Variants in BTBD3 observed in about 807,000 individuals in gnomAD.
BTBD3 encodes the protein BTB/POZ domain-containing protein 3.
BTBD3 carries 14 observed loss-of-function variants against 41.6 expected under a neutral mutation model. The ratio of observed to expected loss-of-function variants is 0.34; its 90% confidence interval spans 0.22 to 0.53. BTBD3 has a LOEUF of 0.53. BTBD3 is among the 20% of genes least tolerant of loss of function. The pLI is 0.95. For synonymous variants in BTBD3, 249 were observed against 233.7 expected, an observed-to-expected ratio of 1.07 and a Z score of -0.60; for missense variants, 426 against 654.7, an observed-to-expected ratio of 0.65 and a Z score of 3.81.
intron 1 of BTBD3, among the ~76,000 whole-genome samples, chr20:11,898,110 C>T (rs911234916): frequency 7.9e-5 from 12 of 152,030 alleles, no homozygotes; most frequent in Middle Eastern, 3.2e-3. Context: ...TGCAGTGAGC[C>T]GAGATCGTGC....
intron 1 of BTBD3, among the ~76,000 whole-genome samples, chr20:11,894,483 T>G (rs966646769): frequency 6.6e-6 from 1 of 152,184 alleles, no homozygotes; most frequent in Admixed American, 6.5e-5. Context: ...AATTTATTTT[T>G]TGGTAGCTAT....
intron 1 of BTBD3, 30 bp downstream of exon 1, chr20:11,918,631 A>C (rs768447722): frequency 6.5e-7 from 1 of 1,533,824 alleles, no homozygotes; most frequent in Admixed American, 2.2e-5. Flanking sequence ...ATTTACTTTA[A>C]AAGTTTTCCT....
At chr20:11,893,169 A>G (rs2056766640) in intron 1 of BTBD3, among the ~76,000 whole-genome samples, 1 of 152,210 alleles carries the variant, frequency 6.6e-6, no homozygotes, top group African/African-American at 2.4e-5. Flanking sequence ...GAAATAGGTC[A>G]TTTAACATAC....
intron 1 of BTBD3, among the ~76,000 whole-genome samples, chr20:11,904,117 G>A (rs144418222): frequency 5.9e-5 from 9 of 152,256 alleles, no homozygotes; most frequent in South Asian, 2.1e-4. Context: ...GTATGAGTCC[G>A]TTCTAACACT....
chr20:11,918,288 A>G lies in BTBD3; in HGVS notation c.13A>G (p.Lys5Glu). Residue 5 changes from lysine (K) to glutamate (E), a missense_variant, in exon 1 of 4, where the codon AAG becomes GAG. By Grantham distance (56) the Lys-to-Glu change is moderately conservative (BLOSUM62 1). Around this residue, in one of 3 missense-constraint regions of BTBD3, gnomAD observed 53 missense variants for 74.8 expected, o/e 0.71. Coordinates refer to ENST00000378226, the MANE Select transcript of BTBD3 (RefSeq NM_014962.4). ...ACACACTGTACTCATGGTAGATGACAAGGAAAAGAACATGAAATGTCTCAC... is the reference window on the plus strand; with the variant it reads ...ACACACTGTACTCATGGTAGATGACGAGGAAAAGAACATGAAATGTCTCAC... MVDD[K>E]EKNMKCLTFF... The G allele has an allele frequency of 1.3e-6, 2 of 1,587,458 alleles. No homozygotes were observed. The highest frequency in any genetic ancestry group is 1.7e-6 in the Non-Finnish European group (2 of 1,170,370).
chr20:11,895,798 C>G (rs577124155), intron 1 of BTBD3, among the ~76,000 whole-genome samples: 7 of 152,274 alleles, frequency 4.6e-5, no homozygotes, highest in East Asian at 1.9e-4. Context: ...AACCTGTCAC[C>G]CTTTTACCCT....
intron 3 of BTBD3, chr20:11,921,514 C>G (rs1052480285): frequency 6.6e-6 from 1 of 152,100 alleles, no homozygotes; most frequent in Admixed American, 6.5e-5. Context: ...GGTAAGAGCT[C>G]GAAAGTGCTG....
intron 1 of BTBD3, chr20:11,910,104 C>T (rs2056880181): frequency 6.6e-6 from 1 of 151,916 alleles, no homozygotes; most frequent in Non-Finnish European, 1.5e-5. Context: ...CCCATGTGTT[C>T]TTGGAAAAGG....
chr20:11,911,958 T>G (rs2056892116), intron 1 of BTBD3, among the ~76,000 whole-genome samples: 1 of 152,082 alleles, frequency 6.6e-6, no homozygotes. Context: ...ATATGGAATT[T>G]TAAAAAGAAT....
At position 11,925,917 on chromosome 20, in the gene BTBD3, A is replaced by G. The variant is rs1448265612; in HGVS notation, c.*2251A>G. 6.6e-6 allele frequency: 1 copy of G among 152,418 alleles called. No homozygotes were observed. Among genetic ancestry groups the G allele is most frequent in the Non-Finnish European group, 1.5e-5 (1 of 68,038 alleles). 9.4% of individuals were successfully genotyped at this position (152,418 alleles called of 1,614,324 possible). ...ACTGTGTATAGAATAATGTAATTTT[A>G]TGTTAATTGTTATTACTTTAAAACA... On this transcript the variant is annotated 3_prime_UTR_variant, in exon 4 of 4. Transcript: ENST00000378226.
At chr20:11,919,000 C>G in intron 1 of BTBD3, 86 bp from the exon 2 acceptor site, 1 of 980,652 alleles carries the variant, frequency 1.0e-6, no homozygotes, top group Non-Finnish European at 1.6e-6. Context: ...GCTTAGCTTG[C>G]AAGTCTTTTG....
intron 1 of BTBD3, among the ~76,000 whole-genome samples, chr20:11,902,684 T>C (rs530838170): frequency 1.3e-5 from 2 of 152,348 alleles, no homozygotes; most frequent in African/African-American, 2.4e-5. Flanking sequence ...TACAGTAGAA[T>C]AGTATGTACT....
intron 1 of BTBD3, among the ~76,000 whole-genome samples, chr20:11,895,216 C>T (rs2056779309): frequency 6.6e-6 from 1 of 152,116 alleles, no homozygotes; most frequent in Non-Finnish European, 1.5e-5. Flanking sequence ...TAGTCTTAAT[C>T]AATGCCACAT....
rs757375882 is a variant in BTBD3 at position 11,923,693 on chromosome 20, C to T, written c.*27C>T. ...AACTCACTTCCTGAAGCAGCTTGAG[C>T]TCCAAAGTGCACATCTGGTTCCAAC... is the stretch of plus-strand genomic sequence containing the variant. On this transcript the variant is annotated 3_prime_UTR_variant, in exon 4 of 4. Coordinates refer to ENST00000378226, the MANE Select transcript of BTBD3 (RefSeq NM_014962.4). The surrounding 1 kb of genome is among the most constrained non-coding windows in gnomAD (Gnocchi z 5.3). 1.3e-6 allele frequency: 2 copies of T among 1,561,580 alleles called. No homozygotes were observed. The highest frequency in any genetic ancestry group is 1.4e-5 in the African/African-American group (1 of 73,858).
chr20:11,915,827 A>T (rs2056914595), upstream of BTBD3, among the ~76,000 whole-genome samples: 1 of 152,168 alleles, frequency 6.6e-6, no homozygotes, highest in African/African-American at 2.4e-5. Flanking sequence ...TATTTTTCTA[A>T]ATAACTGATA....
chr20:11,908,293 A>T (rs182420542), intron 1 of BTBD3, among the ~76,000 whole-genome samples: 58 of 128,862 alleles, frequency 4.5e-4, no homozygotes, highest in Non-Finnish European at 7.3e-4. Context: ...ATCTCTGTTA[A>T]CTATGGTGGA....
chr20:11,919,006 T>G (rs2056942228), intron 1 of BTBD3, 80 bp from the exon 2 acceptor site: 10 of 1,061,656 alleles, frequency 9.4e-6, no homozygotes, highest in Non-Finnish European at 1.4e-5. Context: ...CTTGCAAGTC[T>G]TTTGTGGGTT....
At chr20:11,922,237 C>T (rs561253690) in intron 3 of BTBD3, among the ~76,000 whole-genome samples, 1 of 152,130 alleles carries the variant, frequency 6.6e-6, no homozygotes, top group South Asian at 2.1e-4. Flanking sequence ...GCAATAATTG[C>T]TCTTAAAACA....
At chr20:11,893,061 A>T (rs1600223706) in intron 1 of BTBD3, among the ~76,000 whole-genome samples, 3 of 149,008 alleles carry the variant, frequency 2.0e-5, no homozygotes, top group Non-Finnish European at 3.0e-5. Flanking sequence ...AAAAATGTTC[A>T]TTTTTTTTTT....
Sources: gnomAD v4.1 joint callset for allele counts (sites outside exome capture counted in the v4.1 genomes callset) on GRCh38, gnomAD v4.1.1 for gene constraint, gnomAD v4.1.1 regional missense constraint, Gnocchi (gnomAD v3.1) non-coding constraint, MANE v1.5 for transcripts, NCBI Gene and HGNC (gene_info 2026-07-23, HGNC 2026-07-21) for gene names.